The following DYRK3 variants were observed in gnomAD, a reference collection of about 807,000 sequenced individuals.
DYRK3 encodes the protein dual specificity tyrosine-phosphorylation-regulated kinase 3.
DYRK3 carries 30 observed loss-of-function variants against 40.8 expected under a neutral mutation model. The observed-to-expected ratio is 0.74, with a 90% CI of 0.55 to 1.00. The LOEUF is 1.00. DYRK3 is among the 50% of genes least tolerant of loss of function. DYRK3 has a pLI of 0.00. For missense variants in DYRK3, 699 were observed against 731.5 expected, an observed-to-expected ratio of 0.96 and a Z score of 0.51; for synonymous variants, 272 against 260.7, an observed-to-expected ratio of 1.04 and a Z score of -0.42.
Position 206,653,782 on chromosome 1 carries a change from C to G in DYRK3, c.*4817C>G, listed in dbSNP as rs1671689713. 6.6e-6 allele frequency among the ~76,000 whole-genome samples: 1 copy of G among 152,220 alleles called. No individual in the cohort carries two copies. The highest frequency in any genetic ancestry group is 1.9e-4 in the East Asian group (1 of 5,204). ...CACAGGGGCTCTGAAAGAGTCTAGC[C>G]TGGATCTTCTTTCCCAGAGGAAGTT... On this transcript the variant is annotated 3_prime_UTR_variant, in exon 3 of 3. Transcript: ENST00000367109.
intron 2 of DYRK3, among the ~76,000 whole-genome samples, chr1:206,646,189 GATACAC>G (rs1671449441): frequency 1.3e-5 from 2 of 152,150 alleles, no homozygotes; most frequent in Non-Finnish European, 2.9e-5. Context: ...ATGATGTTTT[GATACAC>G]ATAGTGAAAT....
intron 2 of DYRK3, among the ~76,000 whole-genome samples, chr1:206,646,121 A>AT (rs1671445323): frequency 6.6e-6 from 1 of 152,220 alleles, no homozygotes. Context: ...GAGTGCTGGG[A>AT]TTACAGGCGT....
rs1454132363 is a variant in DYRK3 at position 206,648,201 on chromosome 1, G to T, written c.1003G>T (p.Asp335Tyr). Reference sequence around the variant, plus strand: ...CCACAAAAATAAGATTATTCACTGCGATCTGAAGCCAGAAAACATTCTCCT... The same window carrying T: ...CCACAAAAATAAGATTATTCACTGCTATCTGAAGCCAGAAAACATTCTCCT... ...ALHKNKIIHC[D>Y]LKPENILLKH... The change falls in exon 3 of 3, where the codon GAT becomes TAT. Residue 335 changes from aspartate to tyrosine, a missense_variant. Physicochemically the swap from Asp to Tyr is radical, Grantham distance 160. Coordinates refer to ENST00000367109, the MANE Select transcript of DYRK3 (RefSeq NM_003582.4). The T allele has an allele frequency of 1.9e-6, 3 of 1,614,122 alleles. No individual in the cohort carries two copies. The highest frequency in any genetic ancestry group is 2.2e-5 in the South Asian group (2 of 91,082).
chr1:206,642,578 A>G (rs1479677331), intron 2 of DYRK3, among the ~76,000 whole-genome samples: 13 of 152,182 alleles, frequency 8.5e-5, no homozygotes, highest in African/African-American at 1.4e-4. Context: ...GCACATATAC[A>G]CCATGGAATA....
rs1671589265 is a variant in DYRK3 at position 206,649,955 on chromosome 1, A to G, written c.*990A>G. On this transcript the variant is annotated 3_prime_UTR_variant, in exon 3 of 3. Transcript: ENST00000367109. ...CATTTTTCCCCCCACTTTCACGTTA[A>G]GCTTAATGCTATTCCCTAGATCTGA... Among the ~76,000 whole-genome samples, 1 of 152,214 alleles carries G rather than the reference A, an allele frequency of 6.6e-6. No homozygotes were observed. Among genetic ancestry groups the G allele is most frequent in the Non-Finnish European group, 1.5e-5 (1 of 68,036 alleles).
At position 206,637,666 on chromosome 1, in the gene DYRK3, T is replaced by C. The variant is rs1671153577; in HGVS notation, c.94T>C (p.Tyr32His). The part of the protein sequence containing the change: ...PQQRRLGDGV[Y>H]DTFMMIDETK... ...TTTAACTAGGTTGGGGGATGGTGTC[T>C]ATGACACCTTCATGATGATAGATGA... Residue 32 changes from tyrosine to histidine, a missense_variant, in exon 2 of 3, where the codon TAT becomes CAT. By Grantham distance (83) the Tyr-to-His change is moderately conservative. Transcript: ENST00000367109. 1 of 1,612,192 alleles carries C rather than the reference T, an allele frequency of 6.2e-7. No individual in the cohort carries two copies.
intron 2 of DYRK3, among the ~76,000 whole-genome samples, chr1:206,641,344 A>ACTGTTGG (rs1671283530): frequency 1.3e-5 from 2 of 151,010 alleles, no homozygotes; most frequent in Admixed American, 6.6e-5. Flanking sequence ...TTGGTTTTCC[A>ACTGTTGG]TTTCTGAGTT....
At chr1:206,637,025 T>C (rs1671135670) in intron 1 of DYRK3, 1 of 1,313,682 alleles carries the variant, frequency 7.6e-7, no homozygotes, top group Non-Finnish European at 1.1e-6. Flanking sequence ...CTGTAGTACT[T>C]ACTGTATTTT....
rs781930526 is a variant in DYRK3, at chr1:206,648,289, A to G, written c.1091A>G (p.Gln364Arg). 6.2e-7 allele frequency: 1 copy of G among 1,613,574 alleles called. No homozygotes were observed. Among genetic ancestry groups the G allele is most frequent in the South Asian group, 1.1e-5 (1 of 91,052 alleles). The change falls in exon 3 of 3, where the codon CAG becomes CGG. Residue 364 changes from glutamine to arginine, a missense_variant. Coordinates refer to ENST00000367109, the MANE Select transcript of DYRK3 (RefSeq NM_003582.4). ...IDFGSSCFEY[Q>R]KLYTYIQSRF... ...TTTGGGTCCAGCTGTTTCGAGTACC[A>G]GAAGCTCTACACATATATCCAGTCT...
In DYRK3 at chr1:206,635,609, C is replaced by G. The variant is rs199525727; in HGVS notation, c.-95C>G. The G allele has an allele frequency of 9.0e-6, 11 of 1,223,688 alleles. No homozygotes were observed. The highest frequency in any genetic ancestry group is 1.1e-5 in the Non-Finnish European group (11 of 977,246). The allele number at this position is 1,223,688 out of a possible 1,614,324, so 75.8% of individuals were successfully genotyped here. The stretch of plus-strand genomic sequence containing the variant: ...GTCTGGTCGAGAGTACCCGTGGGAG[C>G]GTCGCGCCGCGGAGGCAGCCGTCCC... On this transcript the variant is annotated 5_prime_UTR_variant, in exon 1 of 3. Coordinates refer to ENST00000367109, the MANE Select transcript of DYRK3 (RefSeq NM_003582.4).
At position 206,651,220 on chromosome 1, in the gene DYRK3, G is replaced by T. The variant is rs1242386320; in HGVS notation, c.*2255G>T. Reference sequence around the variant, plus strand: ...TTCATCACTGCCTTCTTCAAGGGAGGTCTTGAAACTGCCTCATCTACCTCA... The same window carrying T: ...TTCATCACTGCCTTCTTCAAGGGAGTTCTTGAAACTGCCTCATCTACCTCA... On this transcript the variant is annotated 3_prime_UTR_variant, in exon 3 of 3. Transcript: ENST00000367109. 6.6e-6 allele frequency among the ~76,000 whole-genome samples: 1 copy of T among 152,170 alleles called. No individual in the cohort carries two copies. The highest frequency in any genetic ancestry group is 6.5e-5 in the Admixed American group (1 of 15,276).
intron 2 of DYRK3, among the ~76,000 whole-genome samples, chr1:206,642,660 T>G (rs1572445025): frequency 1.3e-5 from 2 of 152,298 alleles, no homozygotes; most frequent in East Asian, 3.9e-4. Flanking sequence ...ACCGTCATTC[T>G]GAGCAAACTT....
chr1:206,644,226 G>A (rs988110256), intron 2 of DYRK3, among the ~76,000 whole-genome samples: 2 of 151,588 alleles, frequency 1.3e-5, no homozygotes, highest in Non-Finnish European at 2.9e-5. Context: ...GTAGAGATGG[G>A]GTTTCACCAT....
At chr1:206,638,874 CTTTTTTT>C (rs782152819) in intron 2 of DYRK3, among the ~76,000 whole-genome samples, 2 of 130,576 alleles carry the variant, frequency 1.5e-5, no homozygotes, top group South Asian at 2.4e-4. Flanking sequence ...AACCTTTTTC[CTTTTTTT>C]TTTTTTTTTT....
chr1:206,639,719 C>T (rs532941302), intron 2 of DYRK3, among the ~76,000 whole-genome samples: 1 of 151,750 alleles, frequency 6.6e-6, no homozygotes, highest in African/African-American at 2.4e-5. Flanking sequence ...CTCAGCTCCC[C>T]AAAGTGCTGG....
In DYRK3 at chr1:206,648,871, T is replaced by C; in HGVS notation, c.1673T>C (p.Val558Ala). ...GGATTGGGTTCTAAGCTGCCTCCAGTTGTTGGAATAGCCAATAAGCTTAAA... is the reference window on the plus strand; with the variant it reads ...GGATTGGGTTCTAAGCTGCCTCCAGCTGTTGGAATAGCCAATAAGCTTAAA... The part of the protein sequence containing the change: ...FQGLGSKLPP[V>A]VGIANKLKAN... Residue 558 changes from valine to alanine, a missense_variant, in exon 3 of 3, where the codon GTT (valine) becomes GCT (alanine). Transcript: ENST00000367109. 1.2e-6 allele frequency: 2 copies of C among 1,614,162 alleles called. No homozygotes were observed. The highest frequency in any genetic ancestry group is 1.7e-6 in the Non-Finnish European group (2 of 1,180,026).
intron 2 of DYRK3, among the ~76,000 whole-genome samples, chr1:206,638,979 A>G (rs1671200640): frequency 6.7e-6 from 1 of 149,306 alleles, no homozygotes; most frequent in African/African-American, 2.5e-5. Flanking sequence ...TCCCGGGTCC[A>G]AGCAATTCTC....
chr1:206,642,432 T>C (rs1553419479), intron 2 of DYRK3, among the ~76,000 whole-genome samples: 1 of 152,204 alleles, frequency 6.6e-6, no homozygotes, highest in East Asian at 1.9e-4. Flanking sequence ...TTACTGGGCA[T>C]ATACCCAAAG....
chr1:206,644,040 T>TTTTTTTTTTC (rs1398970016), intron 2 of DYRK3, among the ~76,000 whole-genome samples: 3 of 143,040 alleles, frequency 2.1e-5, no homozygotes, highest in Non-Finnish European at 4.6e-5. Context: ...GCTTTTTTTT[T>TTTTTTTTTTC]TTTTTTTTTT....
Sources: gnomAD v4.1 joint callset for allele counts (sites outside exome capture counted in the v4.1 genomes callset) on GRCh38, gnomAD v4.1.1 for gene constraint, MANE v1.5 for transcripts, NCBI Gene and HGNC (gene_info 2026-07-23, HGNC 2026-07-21) for gene names.